The following DPP6 variants were observed in gnomAD, a reference collection of about 807,000 sequenced individuals.
The protein encoded by DPP6 is dipeptidyl peptidase like 6.
Under a neutral mutation model 122.6 loss-of-function variants are expected in DPP6, and 69 were observed. That is an observed-to-expected ratio of 0.56 (90% CI 0.46 to 0.69). DPP6 has a LOEUF of 0.69. Among genes scored for constraint, DPP6 ranks in the 30% least tolerant of loss-of-function variants. DPP6 has a pLI of 0.00. For missense variants in DPP6, 928 were observed against 1,116.9 expected (o/e 0.83, Z 2.41); for synonymous variants, 418 against 433.1 (o/e 0.97, Z 0.43).
chr7:154,077,676 A>AT (rs531140291), intron 1 of DPP6, among the ~76,000 whole-genome samples: 28,697 of 144,066 alleles, frequency 0.2, 3,363 homozygotes, highest in Admixed American at 0.27. Flanking sequence ...TATTATTATT[A>AT]TTTTTTTTTT....
At chr7:154,555,283 G>A (rs1563847608) in intron 4 of DPP6, among the ~76,000 whole-genome samples, 1 of 151,998 alleles carries the variant, frequency 6.6e-6, no homozygotes, top group Non-Finnish European at 1.5e-5. Context: ...ATACTATGCA[G>A]CCATAAAAAA....
At chr7:154,310,817 G>A (rs1195340981) in intron 1 of DPP6, among the ~76,000 whole-genome samples, 4 of 152,158 alleles carry the variant, frequency 2.6e-5, no homozygotes, top group Non-Finnish European at 2.9e-5. Flanking sequence ...TCACTTAGAG[G>A]AATGAACGGT....
In DPP6 at chr7:154,877,955, C is replaced by T. The variant is rs368351065; in HGVS notation, c.2078+1855C>T. 3.9e-5 allele frequency among the ~76,000 whole-genome samples: 6 copies of T among 152,212 alleles called. No individual in the cohort carries two copies. The highest frequency in any genetic ancestry group is 1.9e-4 in the East Asian group (1 of 5,182). ...CCAGCCACAGAGGACTCCCAGGACA[C>T]GGAAGCCGGCCCAGGCTGCGCTCTG... On this transcript the variant is annotated intron_variant, in intron 20 of 25. Transcript: ENST00000377770. This position sits in a 1 kb window ranked among gnomAD's most constrained non-coding sequence, Gnocchi z 5.2.
chr7:154,783,422 G>A (rs1353499843), intron 10 of DPP6, among the ~76,000 whole-genome samples: 2 of 152,162 alleles, frequency 1.3e-5, no homozygotes, highest in Admixed American at 6.5e-5. Flanking sequence ...CACGAGATGT[G>A]TCACCCATGC....
chr7:154,314,395 C>T (rs1416409667), intron 1 of DPP6, among the ~76,000 whole-genome samples: 1 of 152,210 alleles, frequency 6.6e-6, no homozygotes, highest in East Asian at 1.9e-4. Context: ...GGTCAGAGCT[C>T]ATGTCCCATT....
At chr7:154,616,323 G>A (rs959873544) in intron 5 of DPP6, among the ~76,000 whole-genome samples, 2 of 152,160 alleles carry the variant, frequency 1.3e-5, no homozygotes, top group Admixed American at 1.3e-4. Context: ...GCATTCTAAA[G>A]ACAGATTCCA....
chr7:154,887,582 C>A, intron 22 of DPP6, 94 bp from the exon 23 acceptor site: 1 of 1,292,230 alleles, frequency 7.7e-7, no homozygotes, highest in Non-Finnish European at 1.1e-6. Context: ...AGTCCTCACC[C>A]CGCACCCGGT....
chr7:154,542,995 T>C (rs1447710029), intron 4 of DPP6, among the ~76,000 whole-genome samples: 2 of 152,182 alleles, frequency 1.3e-5, no homozygotes, highest in African/African-American at 4.8e-5. Flanking sequence ...TGTGTTTTCA[T>C]GAGCAAGTAT....
intron 9 of DPP6, among the ~76,000 whole-genome samples, chr7:154,769,991 G>A (rs1261549940): frequency 6.6e-6 from 1 of 152,124 alleles, no homozygotes; most frequent in Non-Finnish European, 1.5e-5. Context: ...ACTGCTACGG[G>A]CTAAATGTTT....
intron 1 of DPP6, among the ~76,000 whole-genome samples, chr7:154,428,710 A>C (rs567733842): frequency 9.8e-5 from 15 of 152,314 alleles, no homozygotes; most frequent in African/African-American, 3.6e-4. Flanking sequence ...ACTTGGATGG[A>C]GCTGGAGGCC....
chr7:154,480,517 T>C (rs1428895693), intron 3 of DPP6, among the ~76,000 whole-genome samples: 1 of 152,224 alleles, frequency 6.6e-6, no homozygotes, highest in Admixed American at 6.5e-5. Context: ...TCTTGTCAGC[T>C]CATGGGCATC....
chr7:154,589,204 T>G (rs1832659052), intron 5 of DPP6, among the ~76,000 whole-genome samples: 1 of 152,184 alleles, frequency 6.6e-6, no homozygotes, highest in African/African-American at 2.4e-5. Flanking sequence ...AATGTACGCT[T>G]TTTCATGTGC....
chr7:154,063,153 G>T lies in DPP6; in HGVS notation c.243+10090G>T, dbSNP rs1164508254. Among the ~76,000 whole-genome samples, 15 of 124,720 alleles carry T rather than the reference G, an allele frequency of 1.2e-4. 2 individuals are homozygous for T. Among genetic ancestry groups the T allele is most frequent in the South Asian group, 6.2e-4 (2 of 3,236 alleles). The allele number at this position is 124,720 out of a possible 152,430, so 81.8% of individuals were successfully genotyped here. On this transcript the variant is annotated intron_variant, in intron 1 of 25. Transcript: ENST00000377770. Reference sequence around the variant, plus strand: ...CCCCCCACGAGAGTGGGGACTGAGAGCTATCCCCTTTTCCGCCCCTGGCTG... The same window carrying T: ...CCCCCCACGAGAGTGGGGACTGAGATCTATCCCCTTTTCCGCCCCTGGCTG...
At chr7:154,513,535 G>T (rs941578113) in intron 3 of DPP6, among the ~76,000 whole-genome samples, 1 of 152,184 alleles carries the variant, frequency 6.6e-6, no homozygotes, top group Admixed American at 6.5e-5. Flanking sequence ...ATGGGGGAAT[G>T]TAAGTGTGGA....
At chr7:154,406,490 CAT>C (rs774646733) in intron 1 of DPP6, among the ~76,000 whole-genome samples, 11 of 150,872 alleles carry the variant, frequency 7.3e-5, no homozygotes, top group African/African-American at 1.2e-4. Context: ...CACACACACA[CAT>C]GCACACATAC....
intron 1 of DPP6, among the ~76,000 whole-genome samples, chr7:154,209,842 G>A (rs1325248682): frequency 6.6e-6 from 1 of 152,166 alleles, no homozygotes; most frequent in Non-Finnish European, 1.5e-5. Context: ...ATTCTTCCTT[G>A]CCAAAGGGAG....
At chr7:154,659,389 A>G (rs1345337363) in intron 6 of DPP6, among the ~76,000 whole-genome samples, 1 of 152,262 alleles carries the variant, frequency 6.6e-6, no homozygotes, top group Non-Finnish European at 1.5e-5. Flanking sequence ...TGAAGGGTTA[A>G]GGGAACACAC....
chr7:154,700,076 T>C (rs1339001963), intron 7 of DPP6, among the ~76,000 whole-genome samples: 1 of 152,252 alleles, frequency 6.6e-6, no homozygotes, highest in Non-Finnish European at 1.5e-5. Context: ...AGTAAATTAA[T>C]ATTTTAAAGT....
intron 1 of DPP6, among the ~76,000 whole-genome samples, chr7:154,260,978 C>T (rs545823180): frequency 1.3e-5 from 2 of 152,106 alleles, no homozygotes; most frequent in South Asian, 4.1e-4. Context: ...TCACCGTAAT[C>T]TCCGCCTCCT....
Sources: allele counts gnomAD v4.1 joint callset (sites outside exome capture counted in the v4.1 genomes callset), GRCh38; gene constraint gnomAD v4.1.1; non-coding constraint Gnocchi (gnomAD v3.1); transcripts MANE v1.5; gene names NCBI Gene and HGNC (gene_info 2026-07-23, HGNC 2026-07-21).